Variants in PKP4 observed in about 807,000 individuals in gnomAD.
The protein encoded by PKP4 is plakophilin-4.
A neutral mutation model predicts 145.1 loss-of-function variants in PKP4; 90 were observed. The observed-to-expected ratio is 0.62, with a 90% confidence interval of 0.52 to 0.74. The LOEUF is 0.74. PKP4 is among the 30% of genes least tolerant of loss of function. The probability of loss-of-function intolerance (pLI) is 0.00; values close to 1 mark genes in which losing one functional copy is unlikely to be tolerated. For missense variants in PKP4, 1,340 were observed against 1,482.7 expected (o/e 0.90, Z 1.58); for synonymous variants, 563 against 577.2 (o/e 0.98, Z 0.35).
chr2:158,520,292 G>A (rs866997810), intron 1 of PKP4, among the ~76,000 whole-genome samples: 4 of 152,246 alleles, frequency 2.6e-5, no homozygotes, highest in African/African-American at 4.8e-5. Flanking sequence ...TTCAAAAATC[G>A]TTATTGAATG....
chr2:158,563,233 C>A (rs898057369), intron 2 of PKP4, among the ~76,000 whole-genome samples: 9 of 151,992 alleles, frequency 5.9e-5, no homozygotes, highest in Non-Finnish European at 1.2e-4. Flanking sequence ...CGTAAGCAAA[C>A]AACTCTTACT....
intron 1 of PKP4, among the ~76,000 whole-genome samples, chr2:158,510,137 T>C (rs1282429103): frequency 6.6e-6 from 1 of 152,218 alleles, no homozygotes; most frequent in Non-Finnish European, 1.5e-5. Context: ...TCTGATTCTT[T>C]CTGACATTTT....
At chr2:158,560,282 AATAG>A (rs546239468) in intron 2 of PKP4, among the ~76,000 whole-genome samples, 128 of 152,348 alleles carry the variant, frequency 8.4e-4, no homozygotes, top group African/African-American at 2.8e-3. Flanking sequence ...AAATTAAATA[AATAG>A]AGCATTATGG....
chr2:158,515,747 T>C (rs2041886759), intron 1 of PKP4, among the ~76,000 whole-genome samples: 1 of 152,046 alleles, frequency 6.6e-6, no homozygotes, highest in South Asian at 2.1e-4. Context: ...TAGATGATCC[T>C]CAAAAAAAAT....
chr2:158,500,710 A>C (rs569308234), intron 1 of PKP4, among the ~76,000 whole-genome samples: 72 of 152,328 alleles, frequency 4.7e-4, no homozygotes, highest in African/African-American at 1.6e-3. Context: ...CTACCTTTGC[A>C]GAGTTGTCCA....
chr2:158,673,668 T>C lies in PKP4; in HGVS notation c.2925-9T>C. On this transcript the variant is annotated splice_polypyrimidine_tract_variant and intron_variant, in intron 17 of 21. Transcript: ENST00000389759. ...CCCACATTCATTAATATCCTTGCTC[T>C]CTACCTAGATCATCTCTGAAAGTGG... 6.2e-7 allele frequency: 1 copy of C among 1,601,470 alleles called. No individual in the cohort carries two copies. Among genetic ancestry groups the C allele is most frequent in the Non-Finnish European group, 8.5e-7 (1 of 1,169,670 alleles).
At chr2:158,513,859 A>G (rs929902741) in intron 1 of PKP4, among the ~76,000 whole-genome samples, 24 of 152,002 alleles carry the variant, frequency 1.6e-4, no homozygotes, top group African/African-American at 5.6e-4. Flanking sequence ...TTCCACCCCA[A>G]TTTTAGACTG....
chr2:158,474,262 G>C (rs940635456), intron 1 of PKP4, among the ~76,000 whole-genome samples: 48 of 152,318 alleles, frequency 3.2e-4, no homozygotes, highest in African/African-American at 1.2e-3. Flanking sequence ...TGCCACATAG[G>C]TGAAAACAAT....
At chr2:158,469,034 A>C (rs1691136369) in intron 1 of PKP4, among the ~76,000 whole-genome samples, 1 of 151,360 alleles carries the variant, frequency 6.6e-6, no homozygotes, top group Non-Finnish European at 1.5e-5. Context: ...CTGCCTCAGC[A>C]TCCCAAAGTG....
intron 9 of PKP4, among the ~76,000 whole-genome samples, chr2:158,639,909 A>T (rs1288853117): frequency 6.6e-6 from 1 of 152,236 alleles, no homozygotes; most frequent in Non-Finnish European, 1.5e-5. Flanking sequence ...GAATAAATTA[A>T]TAAATATATA....
chr2:158,625,441 G>T lies in PKP4; in HGVS notation c.1153+14G>T. ...ACAGCCTGACAGGTGCGTACAAGGT[G>T]ACAGTGCTACATAAAACCCAGTGAG... On this transcript the variant is annotated intron_variant, in intron 7 of 21. Transcript: ENST00000389759. 1 of 1,589,134 alleles carries T rather than the reference G, an allele frequency of 6.3e-7. No homozygotes were observed. The highest frequency in any genetic ancestry group is 1.1e-5 in the South Asian group (1 of 88,328).
chr2:158,529,408 T>C (rs2043308459), intron 1 of PKP4, among the ~76,000 whole-genome samples: 2 of 152,202 alleles, frequency 1.3e-5, no homozygotes, highest in African/African-American at 4.8e-5. Context: ...CCAGTGAGCT[T>C]TGAGCTCATA....
chr2:158,641,365 A>G (rs974078359), intron 10 of PKP4, among the ~76,000 whole-genome samples: 28 of 152,162 alleles, frequency 1.8e-4, no homozygotes, highest in African/African-American at 4.6e-4. Flanking sequence ...TAAAAATTAT[A>G]GTATTCATTG....
chr2:158,642,561 TGTG>T lies in PKP4; in HGVS notation c.1775_1777del (p.Gly592del). ...AGTTTTGGAAGTTCAGAAGAATGCT[TGTG>T]GTGCCCTTCGAAACCTCGTTTTTGG... is the stretch of plus-strand genomic sequence containing the variant. On this transcript the variant is annotated inframe_deletion, in exon 11 of 22. Transcript: ENST00000389759. 1.2e-6 allele frequency: 2 copies of T among 1,613,858 alleles called. No individual in the cohort carries two copies. Among genetic ancestry groups the T allele is most frequent in the Non-Finnish European group, 1.7e-6 (2 of 1,179,804 alleles).
chr2:158,467,813 C>T (rs1195043126), intron 1 of PKP4, among the ~76,000 whole-genome samples: 1 of 152,078 alleles, frequency 6.6e-6, no homozygotes, highest in Non-Finnish European at 1.5e-5. Context: ...TGCCACTGCA[C>T]TCCAACCTGG....
intron 3 of PKP4, among the ~76,000 whole-genome samples, chr2:158,582,361 C>T (rs985666466): frequency 3.9e-5 from 6 of 152,062 alleles, no homozygotes; most frequent in African/African-American, 1.4e-4. Flanking sequence ...AATATTTCAC[C>T]TCATCCAAAA....
chr2:158,605,229 G>T (rs749240279), intron 4 of PKP4, among the ~76,000 whole-genome samples: 2 of 152,150 alleles, frequency 1.3e-5, no homozygotes, highest in African/African-American at 2.4e-5. Flanking sequence ...AATATTTCGT[G>T]TGCATATATT....
chr2:158,515,048 GTTGAC>G (rs1296118066), intron 1 of PKP4, among the ~76,000 whole-genome samples: 1 of 152,126 alleles, frequency 6.6e-6, no homozygotes, highest in African/African-American at 2.4e-5. Context: ...ATTCAAAACT[GTTGAC>G]TTTGCTTTTT....
Position 158,617,721 on chromosome 2 carries a change from G to A in PKP4, c.281-3269G>A, listed in dbSNP as rs555885243. The stretch of plus-strand genomic sequence containing the variant: ...AGATATGATGTCTGTGCATATATAG[G>A]TTTATGCATGTATATAGATAATTTG... On this transcript the variant is annotated intron_variant, in intron 4 of 21. Transcript: ENST00000389759. Among the ~76,000 whole-genome samples the A allele has an allele frequency of 5.3e-5, 8 of 152,230 alleles. No individual in the cohort carries two copies. In the South Asian group the frequency reaches 1.2e-3, roughly 24 times the overall value.
Sources: gnomAD v4.1 joint callset for allele counts (sites outside exome capture counted in the v4.1 genomes callset) on GRCh38, gnomAD v4.1.1 for gene constraint, MANE v1.5 for transcripts, NCBI Gene and HGNC (gene_info 2026-07-23, HGNC 2026-07-21) for gene names.